PTPN14: variants seen among roughly 807,000 people sequenced by gnomAD.
PTPN14 encodes protein tyrosine phosphatase non-receptor type 14.
A neutral mutation model predicts 126.8 loss-of-function variants in PTPN14; 53 were observed. That is an observed-to-expected ratio of 0.42 (90% CI 0.34 to 0.53). PTPN14 has a LOEUF of 0.53. Ranked by LOEUF, PTPN14 falls within the 20% of genes least tolerant of loss-of-function variation. The pLI, the probability that PTPN14 is intolerant of heterozygous loss-of-function variation, is 0.08. For synonymous variants in PTPN14, 630 were observed against 599.3 expected (o/e 1.05, Z -0.75); for missense variants, 1,257 against 1,552.9 (o/e 0.81, Z 3.20).
chr1:214,452,552 T>C (rs1036022872), intron 2 of PTPN14, among the ~76,000 whole-genome samples: 1 of 152,168 alleles, frequency 6.6e-6, no homozygotes, highest in Non-Finnish European at 1.5e-5. Context: ...GCAGCAAATC[T>C]CTCCCCATAT....
At chr1:214,479,075 G>A (rs1660926875) in intron 1 of PTPN14, among the ~76,000 whole-genome samples, 1 of 151,868 alleles carries the variant, frequency 6.6e-6, no homozygotes. Flanking sequence ...GTCTGGCACA[G>A]TGGCTCATGC....
intron 1 of PTPN14, among the ~76,000 whole-genome samples, chr1:214,541,817 T>C (rs1655844493): frequency 6.6e-6 from 1 of 152,228 alleles, no homozygotes; most frequent in Admixed American, 6.5e-5. Context: ...TGTATTGTGC[T>C]GAGTGAGCTC....
intron 3 of PTPN14, among the ~76,000 whole-genome samples, chr1:214,447,300 G>T (rs897168619): frequency 6.6e-6 from 1 of 151,924 alleles, no homozygotes; most frequent in Non-Finnish European, 1.5e-5. Flanking sequence ...TCCCAAGAAG[G>T]CTGAGATTCC....
chr1:214,515,377 T>C (rs2102449647), intron 1 of PTPN14, among the ~76,000 whole-genome samples: 1 of 152,288 alleles, frequency 6.6e-6, no homozygotes, highest in South Asian at 2.1e-4. Context: ...TGGAGATTTG[T>C]AGTGAGTTTT....
chr1:214,480,890 A>G (rs771282707), intron 1 of PTPN14, among the ~76,000 whole-genome samples: 1 of 152,170 alleles, frequency 6.6e-6, no homozygotes, highest in Non-Finnish European at 1.5e-5. Context: ...ATGAAGTGAT[A>G]GGTAAGGATA....
At chr1:214,411,116 T>C (rs4319292) in intron 5 of PTPN14, among the ~76,000 whole-genome samples, 1,783 of 152,298 alleles carry the variant, frequency 0.012, 20 homozygotes, top group Middle Eastern at 0.034. Flanking sequence ...TAAATTTCTT[T>C]CATCAATGTT....
rs1207996767 is a variant in PTPN14 at position 214,351,389 on chromosome 1, C to T, written c.*6533G>A. The T allele has an allele frequency of 6.6e-6, 1 of 151,650 alleles. No individual in the cohort carries two copies. Among genetic ancestry groups the T allele is most frequent in the Non-Finnish European group, 1.5e-5 (1 of 68,010 alleles). The allele number at this position is 151,650 out of a possible 1,614,324, so 9.4% of individuals were successfully genotyped here. On this transcript the variant is annotated 3_prime_UTR_variant, in exon 19 of 19. Transcript: ENST00000366956. ...AAGAGGGTGACAGCACACAACAGTC[C>T]CACCCGTTCCCCTGAACAAGACAAG...
At chr1:214,390,557 G>A (rs1446423786) in intron 11 of PTPN14, among the ~76,000 whole-genome samples, 2 of 152,090 alleles carry the variant, frequency 1.3e-5, no homozygotes, top group Non-Finnish European at 2.9e-5. Context: ...AACTAGATCC[G>A]TTCAATTTTT....
At chr1:214,424,636 T>G (rs1659619779) in intron 3 of PTPN14, among the ~76,000 whole-genome samples, 1 of 152,030 alleles carries the variant, frequency 6.6e-6, no homozygotes, top group Admixed American at 6.6e-5. Flanking sequence ...CAAGTGATTC[T>G]CCTGCCTCAG....
intron 3 of PTPN14, among the ~76,000 whole-genome samples, chr1:214,449,104 T>C (rs933967517): frequency 4.1e-5 from 6 of 146,208 alleles, no homozygotes; most frequent in Non-Finnish European, 7.4e-5. Flanking sequence ...CCTCTTGGGT[T>C]CATGCCATTC....
At chr1:214,511,790 A>G (rs954164730) in intron 1 of PTPN14, among the ~76,000 whole-genome samples, 18 of 152,224 alleles carry the variant, frequency 1.2e-4, no homozygotes, top group African/African-American at 4.1e-4. Context: ...CAACACATGA[A>G]TGGTTGGATA....
At position 214,383,748 on chromosome 1, in the gene PTPN14, T is replaced by C. The variant is rs933813511; in HGVS notation, c.2107A>G (p.Met703Val). 7.4e-6 allele frequency: 12 copies of C among 1,613,538 alleles called. No homozygotes were observed. Among genetic ancestry groups the C allele is most frequent in the Non-Finnish European group, 1.0e-5 (12 of 1,180,028 alleles). ...TCACTCTCGCTGCTGTGGATTAGCATAGTGGCATCAGAGAAGGTCTTCTTG... is the reference window on the plus strand; with the variant it reads ...TCACTCTCGCTGCTGTGGATTAGCACAGTGGCATCAGAGAAGGTCTTCTTG... Reference protein sequence around the residue: ...HHKKTFSDATMLIHSSESEEE... With the variant: ...HHKKTFSDATVLIHSSESEEE... The change falls in exon 13 of 19, where the codon ATG becomes GTG. Residue 703 changes from methionine (M) to valine (V), a missense_variant. By Grantham distance (21) the Met-to-Val change is conservative (BLOSUM62 1). Coordinates refer to ENST00000366956, the MANE Select transcript of PTPN14 (RefSeq NM_005401.5). The surrounding 1 kb of genome is among the most constrained non-coding windows in gnomAD (Gnocchi z 4.4).
chr1:214,547,022 A>G (rs1469680455), intron 1 of PTPN14, among the ~76,000 whole-genome samples: 1 of 152,232 alleles, frequency 6.6e-6, no homozygotes, highest in Non-Finnish European at 1.5e-5. Context: ...ACCTAGAGCC[A>G]GAACTACCCT....
At chr1:214,387,049 G>A (rs1658636377) in intron 11 of PTPN14, 127 bp from the exon 12 acceptor site, 1 of 780,768 alleles carries the variant, frequency 1.3e-6, no homozygotes, top group Non-Finnish European at 2.1e-6. Flanking sequence ...TGCTGTCCCT[G>A]CCACCCCTTT....
Position 214,402,866 on chromosome 1 carries a change from C to G in PTPN14, c.581+17G>C. 1 of 1,612,916 alleles carries G rather than the reference C, an allele frequency of 6.2e-7. No homozygotes were observed. The highest frequency in any genetic ancestry group is 2.2e-5 in the East Asian group (1 of 44,852). On this transcript the variant is annotated intron_variant, in intron 6 of 18. Coordinates refer to ENST00000366956, the MANE Select transcript of PTPN14 (RefSeq NM_005401.5). ...CATCTGTTGTGCAGGCAGCCCCTTA[C>G]CCTCTGCCTGCCTTACCTGTGGGCT...
chr1:214,373,600 CACACACACCT>C (rs1203296114), intron 15 of PTPN14, among the ~76,000 whole-genome samples: 1 of 141,478 alleles, frequency 7.1e-6, no homozygotes, highest in Non-Finnish European at 1.6e-5. Flanking sequence ...CACACACACA[CACACACACCT>C]GGTCATGACC....
chr1:214,451,217 G>A (rs1660266572), intron 3 of PTPN14, among the ~76,000 whole-genome samples: 2 of 152,094 alleles, frequency 1.3e-5, no homozygotes, highest in Admixed American at 6.6e-5. Context: ...CTGGAGTACA[G>A]TGGCATGATC....
rs115284370 is a variant in PTPN14 at position 214,496,301 on chromosome 1, G to A, written c.-154-31344C>T. 2.0e-3 allele frequency among the ~76,000 whole-genome samples: 306 copies of A among 152,256 alleles called. 1 individual carries two copies. The highest frequency in any genetic ancestry group is 3.4e-3 in the Middle Eastern group (1 of 294). ...TTCTAGAGCAGAAGGTCACACTGCG[G>A]AACATACTTTATAACTGTAACAGGA... On this transcript the variant is annotated intron_variant, in intron 1 of 18. Transcript: ENST00000366956.
chr1:214,421,500 T>C (rs1045577342), intron 3 of PTPN14, among the ~76,000 whole-genome samples: 5 of 151,860 alleles, frequency 3.3e-5, no homozygotes, highest in African/African-American at 1.2e-4. Context: ...TACTTTAAAG[T>C]GGTTAAAATG....
Sources: allele counts gnomAD v4.1 joint callset (sites outside exome capture counted in the v4.1 genomes callset), GRCh38; gene constraint gnomAD v4.1.1; non-coding constraint Gnocchi (gnomAD v3.1); transcripts MANE v1.5; gene names NCBI Gene and HGNC (gene_info 2026-07-23, HGNC 2026-07-21).